ABHD2: variants seen among roughly 807,000 people sequenced by gnomAD.
The protein encoded by ABHD2 is monoacylglycerol lipase ABHD2.
ABHD2 carries 20 observed loss-of-function variants against 48.1 expected under a neutral mutation model. The ratio of observed to expected loss-of-function variants is 0.42; its 90% CI spans 0.29 to 0.60. ABHD2 has a LOEUF of 0.60. Among genes scored for constraint, ABHD2 ranks in the 20% least tolerant of loss-of-function variants. ABHD2 has a pLI of 0.24. For missense variants in ABHD2, 405 were observed against 550.9 expected, an observed-to-expected ratio of 0.74 and a Z score of 2.65; for synonymous variants, 209 against 214.2, an observed-to-expected ratio of 0.98 and a Z score of 0.21.
the ABHD2 span, among the ~76,000 whole-genome samples, chr15:89,050,850 C>A: frequency 6.6e-6 from 1 of 152,120 alleles, no homozygotes; most frequent in African/African-American, 2.4e-5. Context: ...AGGCTGCATG[C>A]AGGCTGGGGA....
chr15:89,070,915 C>T, the ABHD2 span, among the ~76,000 whole-genome samples: 699 of 152,100 alleles, frequency 4.6e-3, 6 homozygotes, highest in Admixed American at 8.1e-3. Context: ...TTGGCTCTGC[C>T]GTCCGGAAGG....
intron 3 of ABHD2, among the ~76,000 whole-genome samples, chr15:89,127,735 A>ATATG (rs1392137020): frequency 7.0e-6 from 1 of 142,338 alleles, no homozygotes; most frequent in African/African-American, 2.6e-5. Context: ...ATATATATAT[A>ATATG]TATATGTATA....
chr15:89,080,434 AGT>A, the ABHD2 span, among the ~76,000 whole-genome samples: 1 of 152,218 alleles, frequency 6.6e-6, no homozygotes, highest in South Asian at 2.1e-4. Context: ...ACCAGCTAGA[AGT>A]GTTCTGGAGA....
intron 5 of ABHD2, among the ~76,000 whole-genome samples, chr15:89,160,682 C>T (rs2050749002): frequency 6.6e-6 from 1 of 152,154 alleles, no homozygotes; most frequent in Non-Finnish European, 1.5e-5. Flanking sequence ...TCTGTGTCTC[C>T]ATCATTATGG....
chr15:89,113,030 C>T (rs2049899861), intron 1 of ABHD2, among the ~76,000 whole-genome samples: 1 of 152,150 alleles, frequency 6.6e-6, no homozygotes. Flanking sequence ...TGGGCTGTTT[C>T]CCCCATGTTC....
rs529055796 is a variant in ABHD2, at chr15:89,201,787, C to A, written c.*6364C>A. ...ATCTGCTCGTGCTTCGCCGTGGCCC[C>A]GGAGGCAGACGCCATTGGAGAGACA... On this transcript the variant is annotated 3_prime_UTR_variant, in exon 11 of 11. Transcript: ENST00000352732. 2.1e-6 allele frequency: 3 copies of A among 1,428,604 alleles called. No individual in the cohort carries two copies. In the South Asian group the frequency reaches 3.4e-5, roughly 16 times the overall value. 88.5% of individuals were successfully genotyped at this position (1,428,604 alleles called of 1,614,324 possible). A position where few individuals can be genotyped will look rare whatever the true frequency, so the allele number is the denominator to read the frequency against.
chr15:89,154,071 C>T (rs916532262), intron 4 of ABHD2, among the ~76,000 whole-genome samples: 29 of 152,042 alleles, frequency 1.9e-4, no homozygotes, highest in Non-Finnish European at 2.9e-4. Flanking sequence ...TTTACTAGGT[C>T]GAAGCTTATA....
chr15:89,185,553 G>T lies in ABHD2; in HGVS notation c.815+37G>T, dbSNP rs199736172. On this transcript the variant is annotated intron_variant, in intron 7 of 10. Coordinates refer to ENST00000352732, the MANE Select transcript of ABHD2 (RefSeq NM_152924.5). This position sits in a 1 kb window ranked among gnomAD's most constrained non-coding sequence, Gnocchi z 5.9. ...TCCGTTCTCTCTCAGGAGACAGACA[G>T]TTCCTTCCTGAGCTCATCTGGGAAC... The T allele has an allele frequency of 1.3e-5, 21 of 1,571,566 alleles. No individual in the cohort carries two copies. In the East Asian group the frequency reaches 4.7e-4, roughly 35 times the overall value.
Position 89,198,627 on chromosome 15 carries a change from C to G in ABHD2, c.*3204C>G, listed in dbSNP as rs1404418614. On this transcript the variant is annotated 3_prime_UTR_variant, in exon 11 of 11. Transcript: ENST00000352732. This position sits in a 1 kb window ranked among gnomAD's most constrained non-coding sequence, Gnocchi z 5.1. ...GTTCGTGTCCTAATGGTCTCTAATT[C>G]ACATTGGATCGTGGGCAAATCACCT... The G allele has an allele frequency of 1.3e-5, 2 of 152,224 alleles. No homozygotes were observed. Among genetic ancestry groups the G allele is most frequent in the Non-Finnish European group, 2.9e-5 (2 of 68,050 alleles). The allele number at this position is 152,224 out of a possible 1,614,324, so 9.4% of individuals were successfully genotyped here. A position where few individuals can be genotyped will look rare whatever the true frequency, so the allele number is the denominator to read the frequency against.
At chr15:89,190,983 TA>T in intron 8 of ABHD2, 96 bp from the exon 9 acceptor site, 2 of 1,178,606 alleles carry the variant, frequency 1.7e-6, no homozygotes. Context: ...TGCCACAAGT[TA>T]GCGTGAGGAA....
At chr15:89,074,812 T>A in the ABHD2 span, among the ~76,000 whole-genome samples, 2 of 152,186 alleles carry the variant, frequency 1.3e-5, no homozygotes, top group Admixed American at 6.5e-5. Flanking sequence ...TTCCACTAGC[T>A]CTTCCCTATC....
At chr15:89,068,881 G>T in the ABHD2 span, among the ~76,000 whole-genome samples, 1 of 139,406 alleles carries the variant, frequency 7.2e-6, no homozygotes, top group Non-Finnish European at 1.5e-5. Flanking sequence ...TGATTCTCCT[G>T]CCTCAGCCTC....
At chr15:89,117,007 A>C (rs990959629) in intron 3 of ABHD2, among the ~76,000 whole-genome samples, 1 of 152,190 alleles carries the variant, frequency 6.6e-6, no homozygotes, top group African/African-American at 2.4e-5. Context: ...TGAGTGAACC[A>C]GGTTTCCCTA....
intron 5 of ABHD2, among the ~76,000 whole-genome samples, chr15:89,156,714 T>C (rs987345804): frequency 7.2e-6 from 1 of 138,844 alleles, no homozygotes; most frequent in Non-Finnish European, 1.5e-5. Flanking sequence ...AGAGCAAGAC[T>C]CTGTCTGAAA....
chr15:89,155,358 A>C lies in ABHD2; in HGVS notation c.371-9A>C, dbSNP rs1015015037. 1 of 1,611,136 alleles carries C rather than the reference A, an allele frequency of 6.2e-7. No individual in the cohort carries two copies. The highest frequency in any genetic ancestry group is 1.3e-5 in the African/African-American group (1 of 74,870). On this transcript the variant is annotated splice_polypyrimidine_tract_variant and intron_variant, in intron 4 of 10. Transcript: ENST00000352732. This position sits in a 1 kb window ranked among gnomAD's most constrained non-coding sequence, Gnocchi z 4.9. ...TGGATACATCAGGATCTCTTTCTCTACGCTATAGATGATATCACCATGGTC... is the reference window on the plus strand; with the variant it reads ...TGGATACATCAGGATCTCTTTCTCTCCGCTATAGATGATATCACCATGGTC...
Position 89,176,697 on chromosome 15 carries a change from A to G in ABHD2, c.722+702A>G, listed in dbSNP as rs1472717845. Among the ~76,000 whole-genome samples the G allele has an allele frequency of 6.6e-6, 1 of 152,034 alleles. No individual in the cohort carries two copies. The highest frequency in any genetic ancestry group is 1.9e-4 in the East Asian group (1 of 5,196). ...ACACACATGCACACACTCACACTAT[A>G]CACACACCTCTCCAGGCTCTTCAAA... On this transcript the variant is annotated intron_variant, in intron 6 of 10. Transcript: ENST00000352732. The surrounding 1 kb of genome is among the most constrained non-coding windows in gnomAD (Gnocchi z 4.5).
In ABHD2 at chr15:89,099,125, G is replaced by A. The variant is rs140033001; in HGVS notation, c.-107+10562G>A. ...TGTGAGCACCAAATGAGGTAATGTCGGAGGATGCACTTTGTCAGTAAGTTA... is the reference window on the plus strand; with the variant it reads ...TGTGAGCACCAAATGAGGTAATGTCAGAGGATGCACTTTGTCAGTAAGTTA... On this transcript the variant is annotated intron_variant, in intron 1 of 10. Transcript: ENST00000352732. Among the ~76,000 whole-genome samples the A allele has an allele frequency of 1.2e-4, 19 of 152,252 alleles. No homozygotes were observed. In the East Asian group the frequency reaches 1.7e-3, roughly 14 times the overall value.
Position 89,185,383 on chromosome 15 carries a change from C to T in ABHD2, c.723-41C>T, listed in dbSNP as rs1405188248. 6.4e-7 allele frequency: 1 copy of T among 1,572,920 alleles called. No individual in the cohort carries two copies. ...CCCCCTCCTGGCTGCCCGCCTGCAC[C>T]CCCACACCGCAGTCACCCTCACTCG... is the stretch of plus-strand genomic sequence containing the variant. On this transcript the variant is annotated intron_variant, in intron 6 of 10. Transcript: ENST00000352732. The surrounding 1 kb of genome is among the most constrained non-coding windows in gnomAD (Gnocchi z 5.9).
chr15:89,044,409 G>A, the ABHD2 span, among the ~76,000 whole-genome samples: 3 of 152,082 alleles, frequency 2.0e-5, no homozygotes, highest in African/African-American at 4.8e-5. Flanking sequence ...AGTCCTTTGG[G>A]TATATACCCA....
Sources: gnomAD v4.1 joint callset for allele counts (sites outside exome capture counted in the v4.1 genomes callset) on GRCh38, gnomAD v4.1.1 for gene constraint, Gnocchi (gnomAD v3.1) non-coding constraint, MANE v1.5 for transcripts, NCBI Gene and HGNC (gene_info 2026-07-23, HGNC 2026-07-21) for gene names.